COL23A1: variants seen among roughly 807,000 people sequenced by gnomAD.
COL23A1 encodes the protein collagen type XXIII alpha 1 chain.
A neutral mutation model predicts 99.3 loss-of-function variants in COL23A1; 97 were observed. That is an observed-to-expected ratio of 0.98 (90% CI 0.83 to 1.16). The LOEUF is 1.16. Among genes scored for constraint, COL23A1 ranks in the 50% most tolerant of loss-of-function variants. The pLI, the probability that COL23A1 is intolerant of heterozygous loss-of-function variation, is 0.00. For synonymous variants in COL23A1, 320 were observed against 308.2 expected (o/e 1.04, Z -0.40); for missense variants, 762 against 757.4 (o/e 1.01, Z -0.07).
At chr5:178,570,736 G>A (rs1329806495) in intron 1 of COL23A1, among the ~76,000 whole-genome samples, 1 of 152,156 alleles carries the variant, frequency 6.6e-6, no homozygotes, top group Admixed American at 6.5e-5. Flanking sequence ...CCTGGGGAGT[G>A]GCCAGGCTGA....
chr5:178,487,674 T>G (rs1757710145), intron 2 of COL23A1, among the ~76,000 whole-genome samples: 1 of 152,108 alleles, frequency 6.6e-6, no homozygotes, highest in African/African-American at 2.4e-5. Context: ...CTCCTATCTC[T>G]CCTGGGAAAA....
At chr5:178,334,112 T>G (rs542104575) in intron 2 of COL23A1, among the ~76,000 whole-genome samples, 2 of 152,122 alleles carry the variant, frequency 1.3e-5, no homozygotes, top group Admixed American at 6.5e-5. Flanking sequence ...GGGCTAAGGG[T>G]ACCCTGGGTC....
chr5:178,550,006 G>T (rs186943205), intron 2 of COL23A1, among the ~76,000 whole-genome samples: 155 of 152,224 alleles, frequency 1.0e-3, no homozygotes, highest in African/African-American at 3.7e-3. Context: ...AGTAAAGAAA[G>T]GATCTGGTTG....
chr5:178,297,532 A>G (rs905995164), intron 3 of COL23A1, among the ~76,000 whole-genome samples: 2 of 152,138 alleles, frequency 1.3e-5, no homozygotes, highest in Admixed American at 6.5e-5. Flanking sequence ...AAACAAACAA[A>G]AAACAGAGAT....
chr5:178,520,344 G>A (rs1372903839), intron 2 of COL23A1, among the ~76,000 whole-genome samples: 1 of 152,190 alleles, frequency 6.6e-6, no homozygotes, highest in Non-Finnish European at 1.5e-5. Flanking sequence ...AGATCTATCA[G>A]TTCCTCCAAG....
At chr5:178,259,666 C>CGA in intron 12 of COL23A1, 55 bp downstream of exon 12, 1 of 1,411,780 alleles carries the variant, frequency 7.1e-7, no homozygotes, top group Non-Finnish European at 9.8e-7. Context: ...CCCTGCCCTT[C>CGA]TCTCCAGCCA....
At chr5:178,566,177 T>C (rs1388632628) in intron 1 of COL23A1, among the ~76,000 whole-genome samples, 1 of 151,984 alleles carries the variant, frequency 6.6e-6, no homozygotes, top group Non-Finnish European at 1.5e-5. Flanking sequence ...AGCCAAGCCA[T>C]ACATAACTCA....
At chr5:178,581,611 A>G (rs890462841) in intron 1 of COL23A1, among the ~76,000 whole-genome samples, 3 of 143,230 alleles carry the variant, frequency 2.1e-5, no homozygotes, top group Non-Finnish European at 4.4e-5. Flanking sequence ...CCCGAAAGAC[A>G]TCCTTCTGTA....
intron 2 of COL23A1, among the ~76,000 whole-genome samples, chr5:178,555,257 A>G (rs1412276250): frequency 6.6e-6 from 1 of 152,114 alleles, no homozygotes; most frequent in Non-Finnish European, 1.5e-5. Flanking sequence ...ATCTCCAAAC[A>G]CAGTCCCATT....
At position 178,589,929 on chromosome 5, in the gene COL23A1, G is replaced by A. The variant is rs1764183091; in HGVS notation, c.269C>T (p.Pro90Leu). 2 of 1,322,358 alleles carry A rather than the reference G, an allele frequency of 1.5e-6. No individual in the cohort carries two copies. The highest frequency in any genetic ancestry group is 2.1e-5 in the South Asian group (1 of 47,910). The allele number at this position is 1,322,358 out of a possible 1,614,324, so 81.9% of individuals were successfully genotyped here. ...CTCCCGCAGCAGGCGCTCCAGGTGC[G>A]GCTCGGCCCAGGCGTCCAGGGCGCC... ...PPGALDAWAE[P>L]HLERLLREKL... The change falls in exon 1 of 29, where the codon CCG (proline) becomes CTG (leucine). Residue 90 changes from proline (P) to leucine (L), a missense_variant. Physicochemically the swap from Pro to Leu is moderately conservative, Grantham distance 98. Transcript: ENST00000390654. The surrounding 1 kb of genome is among the most constrained non-coding windows in gnomAD (Gnocchi z 5.4).
chr5:178,439,407 C>T lies in COL23A1; in HGVS notation c.361+121275G>A, dbSNP rs1766740985. The T allele has an allele frequency of 6.6e-6, 1 of 152,286 alleles. No individual in the cohort carries two copies. The highest frequency in any genetic ancestry group is 1.5e-5 in the Non-Finnish European group (1 of 68,108). 9.4% of individuals were successfully genotyped at this position (152,286 alleles called of 1,614,324 possible). On this transcript the variant is annotated intron_variant, in intron 2 of 28. Coordinates refer to ENST00000390654, the MANE Select transcript of COL23A1 (RefSeq NM_173465.4). The surrounding 1 kb of genome is among the most constrained non-coding windows in gnomAD (Gnocchi z 4.2). ...ACCCTGTTGAACACATCCCTGGACTCCAGCTCCTTGTCTCTGGTCCACCCA... is the reference window on the plus strand; with the variant it reads ...ACCCTGTTGAACACATCCCTGGACTTCAGCTCCTTGTCTCTGGTCCACCCA...
At chr5:178,283,836 C>A (rs1243460045) in intron 5 of COL23A1, among the ~76,000 whole-genome samples, 1 of 152,216 alleles carries the variant, frequency 6.6e-6, no homozygotes, top group African/African-American at 2.4e-5. Context: ...TCATGATAAA[C>A]AAGATACCTC....
chr5:178,563,488 C>A (rs907373873), intron 1 of COL23A1, among the ~76,000 whole-genome samples: 1 of 150,780 alleles, frequency 6.6e-6, no homozygotes, highest in Non-Finnish European at 1.5e-5. Context: ...GGGGGGCCCA[C>A]GCAAAAGCTG....
chr5:178,553,020 T>C (rs747793833), intron 2 of COL23A1, among the ~76,000 whole-genome samples: 18 of 152,038 alleles, frequency 1.2e-4, no homozygotes, highest in Non-Finnish European at 2.5e-4. Flanking sequence ...GAAAATTTTT[T>C]TTAATTAGCC....
At chr5:178,291,623 G>A (rs546600573) in intron 3 of COL23A1, among the ~76,000 whole-genome samples, 4 of 152,292 alleles carry the variant, frequency 2.6e-5, no homozygotes, top group African/African-American at 9.6e-5. Flanking sequence ...ATGGTCTGGG[G>A]GGCTTGGTTC....
chr5:178,547,544 CACACACCCCCAT>C (rs1761672531), intron 2 of COL23A1, among the ~76,000 whole-genome samples: 2 of 110,236 alleles, frequency 1.8e-5, no homozygotes, highest in Non-Finnish European at 3.7e-5. Flanking sequence ...CAAACACACC[CACACACCCCCAT>C]ACACACCCCC....
chr5:178,506,465 C>A (rs1223849943), intron 2 of COL23A1, among the ~76,000 whole-genome samples: 1 of 152,094 alleles, frequency 6.6e-6, no homozygotes, highest in Non-Finnish European at 1.5e-5. Context: ...CCCCATCCAA[C>A]CAAGGAACAT....
At chr5:178,418,265 G>A (rs2127791355) in intron 2 of COL23A1, among the ~76,000 whole-genome samples, 1 of 152,336 alleles carries the variant, frequency 6.6e-6, no homozygotes, top group East Asian at 1.9e-4. Context: ...TTCTTTGAAG[G>A]TTGGCTCTTA....
intron 2 of COL23A1, among the ~76,000 whole-genome samples, chr5:178,485,797 A>AC (rs397883258): frequency 2.7e-5 from 4 of 150,704 alleles, no homozygotes; most frequent in East Asian, 1.9e-4. Context: ...AAAAAAAAAA[A>AC]ACACAGAAAT....
Sources: gnomAD v4.1 joint callset for allele counts (sites outside exome capture counted in the v4.1 genomes callset) on GRCh38, gnomAD v4.1.1 for gene constraint, Gnocchi (gnomAD v3.1) non-coding constraint, MANE v1.5 for transcripts, NCBI Gene and HGNC (gene_info 2026-07-23, HGNC 2026-07-21) for gene names.